DAB1: variants seen among roughly 807,000 people sequenced by gnomAD.
DAB1 encodes disabled homolog 1.
DAB1 carries 15 observed loss-of-function variants against 64.6 expected under a neutral mutation model. That is an observed-to-expected ratio of 0.23 (90% CI 0.16 to 0.36). The LOEUF (loss-of-function observed/expected upper bound fraction) is 0.36, where lower values mean the gene tolerates loss of function less well. Ranked by LOEUF, DAB1 falls within the 10% of genes least tolerant of loss-of-function variation. DAB1 has a pLI of 1.00. For synonymous variants in DAB1, 235 were observed against 251.9 expected, an observed-to-expected ratio of 0.93 and a Z score of 0.64; for missense variants, 596 against 706.7, an observed-to-expected ratio of 0.84 and a Z score of 1.78.
chr1:58,181,731 CTTCT>C (rs1339313799), intron 4 of DAB1, among the ~76,000 whole-genome samples: 2 of 150,860 alleles, frequency 1.3e-5, no homozygotes, highest in African/African-American at 5.0e-5. Flanking sequence ...TTTCTTTCTC[CTTCT>C]TTGTGTTATT....
intron 6 of DAB1, among the ~76,000 whole-genome samples, chr1:57,703,622 G>A (rs1478125580): frequency 2.0e-5 from 3 of 152,202 alleles, no homozygotes; most frequent in Non-Finnish European, 2.9e-5. Flanking sequence ...GTGGCCAATA[G>A]TGTGGTGATT....
intron 4 of DAB1, among the ~76,000 whole-genome samples, chr1:58,168,105 A>G (rs1570439931): frequency 6.6e-6 from 1 of 152,152 alleles, no homozygotes; most frequent in Admixed American, 6.5e-5. Flanking sequence ...GGGGCTAAAT[A>G]CCGGGCACCT....
intron 2 of DAB1, among the ~76,000 whole-genome samples, chr1:57,272,141 G>T (rs906331974): frequency 8.5e-5 from 13 of 152,326 alleles, no homozygotes; most frequent in African/African-American, 3.1e-4. Flanking sequence ...CCTCAGGAGA[G>T]CCAGCTTTCC....
At chr1:58,144,820 G>A (rs551270125) in intron 5 of DAB1, among the ~76,000 whole-genome samples, 2 of 152,276 alleles carry the variant, frequency 1.3e-5, no homozygotes, top group African/African-American at 4.8e-5. Context: ...TGCAGCCTGG[G>A]CATACCATGT....
chr1:58,286,872 T>A (rs1661697692), intron 4 of DAB1, among the ~76,000 whole-genome samples: 2 of 152,070 alleles, frequency 1.3e-5, no homozygotes, highest in South Asian at 4.1e-4. Flanking sequence ...TGCACATGTA[T>A]GTTCACTGCA....
At chr1:57,196,952 T>C (rs1325655133) in intron 2 of DAB1, among the ~76,000 whole-genome samples, 4 of 152,190 alleles carry the variant, frequency 2.6e-5, no homozygotes, top group African/African-American at 7.2e-5. Flanking sequence ...CTAAGCACTT[T>C]GTGGGTCCAT....
intron 2 of DAB1, among the ~76,000 whole-genome samples, chr1:57,233,021 C>G (rs939933129): frequency 2.0e-5 from 3 of 152,064 alleles, no homozygotes; most frequent in Non-Finnish European, 4.4e-5. Flanking sequence ...ATTAGTAGAA[C>G]TGTGTAGGCT....
chr1:58,326,451 G>T (rs1353562395), intron 4 of DAB1, among the ~76,000 whole-genome samples: 1 of 152,206 alleles, frequency 6.6e-6, no homozygotes, highest in East Asian at 1.9e-4. Flanking sequence ...CGTGCAGGAG[G>T]ACTTGAGGAG....
intron 2 of DAB1, among the ~76,000 whole-genome samples, chr1:57,241,935 C>G (rs1017565583): frequency 1.3e-4 from 20 of 152,240 alleles, no homozygotes; most frequent in Admixed American, 6.5e-4. Flanking sequence ...CTTATGAATA[C>G]TACTTGTCAG....
Position 57,435,046 on chromosome 1 carries a change from C to CTT in DAB1, n.626-143882_626-143881dup, listed in dbSNP as rs71580850. 3.7e-3 allele frequency among the ~76,000 whole-genome samples: 346 copies of CTT among 93,036 alleles called. 2 individuals carry two copies. The highest frequency in any genetic ancestry group is 6.2e-3 in the Middle Eastern group (1 of 162). 61.0% of individuals were successfully genotyped at this position (93,036 alleles called of 152,430 possible). A position where few individuals can be genotyped will look rare whatever the true frequency, so the allele number is the denominator to read the frequency against. On this transcript the variant is annotated intron_variant and non_coding_transcript_variant, in intron 7 of 20. Coordinates refer to the DAB1 transcript ENST00000485760. ...GACTCTCTTTTTCTTTTCTTTTTTT[C>CTT]TTTTTTTTTTTTTTTTTTTTGAGAG...
intron 1 of DAB1, among the ~76,000 whole-genome samples, chr1:57,355,967 G>GT (rs973946254): frequency 6.6e-6 from 1 of 150,858 alleles, no homozygotes; most frequent in African/African-American, 2.4e-5. Flanking sequence ...TAATTCACTA[G>GT]TTTTTCCTCT....
chr1:57,915,563 C>A (rs1381096112), intron 5 of DAB1, among the ~76,000 whole-genome samples: 2 of 149,976 alleles, frequency 1.3e-5, no homozygotes, highest in Non-Finnish European at 2.9e-5. Flanking sequence ...GCCTTGCTTT[C>A]AATTCCCCCC....
intron 1 of DAB1, among the ~76,000 whole-genome samples, chr1:57,833,845 G>C (rs989154959): frequency 3.9e-5 from 6 of 152,186 alleles, no homozygotes; most frequent in African/African-American, 1.2e-4. Context: ...GTTCAGACTT[G>C]TTTTAGCTAT....
chr1:57,377,080 G>A (rs1680956827), intron 1 of DAB1, among the ~76,000 whole-genome samples: 8 of 152,184 alleles, frequency 5.3e-5, no homozygotes, highest in Admixed American at 4.6e-4. Flanking sequence ...GACCAGCCTG[G>A]CCAACATGGT....
At chr1:58,037,641 C>G (rs777637372) in intron 5 of DAB1, among the ~76,000 whole-genome samples, 2 of 152,188 alleles carry the variant, frequency 1.3e-5, no homozygotes, top group Non-Finnish European at 2.9e-5. Flanking sequence ...CTTCCACCCC[C>G]ACCCTGCTCC....
chr1:57,339,035 T>C (rs528601856), intron 1 of DAB1, among the ~76,000 whole-genome samples: 1 of 152,266 alleles, frequency 6.6e-6, no homozygotes, highest in South Asian at 2.1e-4. Context: ...AGAAGGTGTA[T>C]ATCAAAGCCT....
chr1:58,296,832 C>A (rs1662006897), intron 4 of DAB1, among the ~76,000 whole-genome samples: 1 of 152,128 alleles, frequency 6.6e-6, no homozygotes, highest in Non-Finnish European at 1.5e-5. Flanking sequence ...CTATGTTTAC[C>A]TTGGGCAAAT....
intron 2 of DAB1, among the ~76,000 whole-genome samples, chr1:57,233,255 CTTT>C (rs1186221366): frequency 5.4e-4 from 33 of 60,800 alleles, no homozygotes; most frequent in African/African-American, 1.5e-3. Context: ...TGCTCCGATT[CTTT>C]TTTTTTTTTT....
intron 2 of DAB1, among the ~76,000 whole-genome samples, chr1:57,245,934 T>C (rs1375129885): frequency 6.6e-6 from 1 of 152,202 alleles, no homozygotes; most frequent in Non-Finnish European, 1.5e-5. Flanking sequence ...ATTCAAGAGG[T>C]GACCCAGATG....
Sources: gnomAD v4.1 joint callset for allele counts (sites outside exome capture counted in the v4.1 genomes callset) on GRCh38, gnomAD v4.1.1 for gene constraint, MANE v1.5 for transcripts, NCBI Gene and HGNC (gene_info 2026-07-23, HGNC 2026-07-21) for gene names.